The following SNX18 variants were observed in gnomAD, a reference collection of about 807,000 sequenced individuals.
SNX18 encodes the protein sorting nexin 18.
SNX18 carries 35 observed loss-of-function variants against 48.7 expected under a neutral mutation model. That is an observed-to-expected ratio of 0.72 (90% CI 0.55 to 0.95). SNX18 has a LOEUF of 0.95. SNX18 is among the 40% of genes least tolerant of loss of function. SNX18 has a pLI of 0.00. For synonymous variants in SNX18, 492 were observed against 384.7 expected, an observed-to-expected ratio of 1.28 and a Z score of -3.26; for missense variants, 824 against 871.0, an observed-to-expected ratio of 0.95 and a Z score of 0.68.
downstream of SNX18, among the ~76,000 whole-genome samples, chr5:54,547,576 T>G (rs530038366): frequency 1.6e-4 from 24 of 152,342 alleles, no homozygotes; most frequent in South Asian, 4.6e-3. Flanking sequence ...ATCTGCTGTT[T>G]GCACCCATTT....
intron 1 of SNX18, among the ~76,000 whole-genome samples, chr5:54,530,954 T>C (rs1481123258): frequency 1.3e-5 from 2 of 151,884 alleles, no homozygotes; most frequent in Non-Finnish European, 2.9e-5. Context: ...GGTTTCATCA[T>C]GTTGGCCAGG....
chr5:54,521,437 G>A (rs1458828528), intron 1 of SNX18, among the ~76,000 whole-genome samples: 4 of 152,286 alleles, frequency 2.6e-5, no homozygotes, highest in South Asian at 2.1e-4. Flanking sequence ...CCAGGGTCAC[G>A]CCTGTAATCC....
the SNX18 span, among the ~76,000 whole-genome samples, chr5:54,607,186 C>T: frequency 6.6e-6 from 1 of 152,094 alleles, no homozygotes; most frequent in Non-Finnish European, 1.5e-5. Context: ...TCCCATTTTG[C>T]CCCACATCTG....
At chr5:54,582,935 GT>G in the SNX18 span, among the ~76,000 whole-genome samples, 1 of 152,194 alleles carries the variant, frequency 6.6e-6, no homozygotes, top group Non-Finnish European at 1.5e-5. Flanking sequence ...TGGGTGTTTG[GT>G]TTAGGTTGCT....
Position 54,518,426 on chromosome 5 carries a change from G to A in SNX18, c.474G>A (p.Trp158Ter). The A allele has an allele frequency of 1.3e-6, 2 of 1,582,688 alleles. No individual in the cohort carries two copies. The highest frequency in any genetic ancestry group is 1.7e-6 in the Non-Finnish European group (2 of 1,165,316). ...GCGATGATGACTGGGACGACGAGTG[G>A]GACGACAGCTCCACGGTGGCGGACG... ...QGSDDDWDDEWDDSSTVADEP... is the reference protein window; with the variant it reads ...QGSDDDWDDE Residue 158 changes from tryptophan to a stop codon, truncating the protein, a stop_gained, in exon 1 of 2, where the codon TGG becomes TGA. Coordinates refer to ENST00000381410, the MANE Select transcript of SNX18 (RefSeq NM_001102575.2). LOFTEE classifies it high-confidence loss of function.
At chr5:54,588,498 T>A in the SNX18 span, among the ~76,000 whole-genome samples, 2 of 151,862 alleles carry the variant, frequency 1.3e-5, no homozygotes, top group African/African-American at 4.8e-5. Flanking sequence ...TAACTAATTT[T>A]TTGTATTTTT....
chr5:54,584,595 A>T, the SNX18 span, among the ~76,000 whole-genome samples: 1 of 152,170 alleles, frequency 6.6e-6, no homozygotes. Flanking sequence ...CTGAAGGCCT[A>T]TGGGAGATGG....
At chr5:54,560,613 C>G in the SNX18 span, among the ~76,000 whole-genome samples, 5 of 151,978 alleles carry the variant, frequency 3.3e-5, no homozygotes, top group African/African-American at 1.2e-4. Context: ...GCACATGTAC[C>G]CCTGAACTTA....
At chr5:54,588,306 C>CTTTATTTTTTTTTTTTTTTT in the SNX18 span, among the ~76,000 whole-genome samples, 11 of 73,916 alleles carry the variant, frequency 1.5e-4, no homozygotes, top group Admixed American at 5.6e-4. Flanking sequence ...TATTTCTATT[C>CTTTATTTTTTTTTTTTTTTT]TTTTTTTTTT....
chr5:54,525,935 A>G lies in SNX18; in HGVS notation c.1621+6362A>G, dbSNP rs76175580. ...CATTTATGCACGTTTAGTTCAGATC[A>G]GCAATCACGCATTGCAGGCTTACCT... On this transcript the variant is annotated intron_variant, in intron 1 of 1. Coordinates refer to ENST00000381410, the MANE Select transcript of SNX18 (RefSeq NM_001102575.2). Among the ~76,000 whole-genome samples the G allele has an allele frequency of 6.2e-3, 947 of 152,284 alleles. 9 individuals are homozygous for G. The highest frequency in any genetic ancestry group is 0.025 in the East Asian group (129 of 5,180).
chr5:54,641,772 A>G, the SNX18 span, among the ~76,000 whole-genome samples: 5 of 152,314 alleles, frequency 3.3e-5, no homozygotes, highest in South Asian at 1.0e-3. Flanking sequence ...AGCCCCTTGT[A>G]AAATCATGGG....
the SNX18 span, among the ~76,000 whole-genome samples, chr5:54,638,068 G>A: frequency 6.6e-6 from 1 of 152,124 alleles, no homozygotes; most frequent in East Asian, 1.9e-4. Context: ...TTGTTCAGTA[G>A]TCACCAAGGT....
the SNX18 span, among the ~76,000 whole-genome samples, chr5:54,637,987 G>A: frequency 3.6e-5 from 1 of 28,060 alleles, no homozygotes; most frequent in Non-Finnish European, 8.2e-5. Context: ...TGCTGGACTG[G>A]AGAGAGAGAG....
chr5:54,557,441 A>G, the SNX18 span, among the ~76,000 whole-genome samples: 3 of 152,222 alleles, frequency 2.0e-5, no homozygotes, highest in Non-Finnish European at 4.4e-5. Flanking sequence ...GCGGTTGCCA[A>G]AACTTTTGTT....
intron 1 of SNX18, among the ~76,000 whole-genome samples, chr5:54,532,988 A>G (rs992136745): frequency 2.0e-5 from 3 of 152,186 alleles, no homozygotes; most frequent in African/African-American, 4.8e-5. Context: ...TATAAGAACT[A>G]CTTAATTAGA....
the SNX18 span, among the ~76,000 whole-genome samples, chr5:54,629,611 G>A: frequency 6.6e-6 from 1 of 152,202 alleles, no homozygotes; most frequent in Admixed American, 6.5e-5. Context: ...TGTGCCTAGG[G>A]TGCTGCATTT....
the SNX18 span, among the ~76,000 whole-genome samples, chr5:54,602,715 A>T: frequency 1.3e-5 from 2 of 152,094 alleles, no homozygotes; most frequent in Admixed American, 1.3e-4. Context: ...GACTTGAGAA[A>T]CCAAGTACAC....
the SNX18 span, among the ~76,000 whole-genome samples, chr5:54,647,672 G>A: frequency 6.6e-6 from 1 of 152,130 alleles, no homozygotes; most frequent in Non-Finnish European, 1.5e-5. Context: ...ATATTGAGGA[G>A]ATTCCCAGAA....
At chr5:54,599,739 G>T in the SNX18 span, among the ~76,000 whole-genome samples, 3 of 152,134 alleles carry the variant, frequency 2.0e-5, no homozygotes, top group Non-Finnish European at 4.4e-5. Flanking sequence ...ATGGGGAAAG[G>T]ACTTCCTATT....
Sources: allele counts gnomAD v4.1 joint callset (sites outside exome capture counted in the v4.1 genomes callset), GRCh38; gene constraint gnomAD v4.1.1; transcripts MANE v1.5; gene names NCBI Gene and HGNC (gene_info 2026-07-23, HGNC 2026-07-21).